Variants in FCHSD2 observed in about 807,000 individuals in gnomAD.
The protein encoded by FCHSD2 is F-BAR and double SH3 domains protein 2.
In FCHSD2, 38 loss-of-function variants were observed where a neutral mutation model predicts 108.1. The ratio of observed to expected loss-of-function variants is 0.35; its 90% confidence interval spans 0.27 to 0.46. The LOEUF (loss-of-function observed/expected upper bound fraction) is 0.46, where lower values mean the gene tolerates loss of function less well. FCHSD2 is among the 20% of genes least tolerant of loss of function. The pLI is 1.00. For missense variants in FCHSD2, 751 were observed against 897.8 expected (o/e 0.84, Z 2.09); for synonymous variants, 279 against 314.7 (o/e 0.89, Z 1.20).
chr11:72,857,613 ATTT>A (rs761360218), intron 13 of FCHSD2, among the ~76,000 whole-genome samples: 1 of 122,846 alleles, frequency 8.1e-6, no homozygotes. Context: ...TAATTTTTGT[ATTT>A]TTTTTTTTTT....
intron 2 of FCHSD2, among the ~76,000 whole-genome samples, chr11:73,130,519 C>A (rs1249655336): frequency 6.6e-6 from 1 of 152,188 alleles, no homozygotes; most frequent in Non-Finnish European, 1.5e-5. Context: ...TCTTCACCTG[C>A]CTTGGGCTGC....
rs567899906 is a variant in FCHSD2, at chr11:73,075,796, G to GA, written c.165+7898dup. On this transcript the variant is annotated intron_variant, in intron 3 of 19. Coordinates refer to ENST00000409418, the MANE Select transcript of FCHSD2 (RefSeq NM_014824.3). Reference sequence around the variant, plus strand: ...TACCACTGACAAGACTGTCTCAAAAGAAAAAAAAAAATCAACAAAGAAAAA... The same window carrying GA: ...TACCACTGACAAGACTGTCTCAAAAGAAAAAAAAAAAATCAACAAAGAAAAA... Among the ~76,000 whole-genome samples the GA allele has an allele frequency of 4.2e-3, 600 of 141,586 alleles. 18 individuals are homozygous for GA. The South Asian group carries it at 0.086, about 20-fold the overall frequency. The allele number at this position is 141,586 out of a possible 152,430, so 92.9% of individuals were successfully genotyped here.
At chr11:73,062,054 G>C (rs1473737439) in intron 3 of FCHSD2, among the ~76,000 whole-genome samples, 2 of 152,192 alleles carry the variant, frequency 1.3e-5, no homozygotes, top group Non-Finnish European at 2.9e-5. Flanking sequence ...ACCTCATACA[G>C]GAGAGCTCTG....
At chr11:72,940,960 G>C (rs539372352) in intron 8 of FCHSD2, 1 of 761,346 alleles carries the variant, frequency 1.3e-6, no homozygotes, top group Non-Finnish European at 2.4e-6. Flanking sequence ...CACCAAAGCA[G>C]TCTATAAGCA....
intron 8 of FCHSD2, among the ~76,000 whole-genome samples, chr11:72,943,574 C>T (rs928959150): frequency 6.6e-5 from 10 of 152,054 alleles, no homozygotes; most frequent in Non-Finnish European, 4.4e-5. Context: ...ACAGGTGAGA[C>T]GGAGATGAAG....
At chr11:73,043,103 G>A (rs1858679932) in intron 3 of FCHSD2, among the ~76,000 whole-genome samples, 1 of 152,178 alleles carries the variant, frequency 6.6e-6, no homozygotes, top group African/African-American at 2.4e-5. Flanking sequence ...AATAGGAGTG[G>A]TGAAAGTGGG....
chr11:73,061,717 G>T (rs1225804835), intron 3 of FCHSD2, among the ~76,000 whole-genome samples: 1 of 152,202 alleles, frequency 6.6e-6, no homozygotes, highest in Non-Finnish European at 1.5e-5. Context: ...ACTGGGTGGA[G>T]CCCACTGCAG....
chr11:72,938,873 A>C (rs537850944), intron 8 of FCHSD2, among the ~76,000 whole-genome samples: 1 of 152,332 alleles, frequency 6.6e-6, no homozygotes, highest in African/African-American at 2.4e-5. Flanking sequence ...ATTAGGTTTT[A>C]AAATGGTTTT....
chr11:73,016,767 C>T (rs958052099), intron 3 of FCHSD2, among the ~76,000 whole-genome samples: 11 of 152,182 alleles, frequency 7.2e-5, no homozygotes, highest in African/African-American at 2.7e-4. Context: ...ACACAAGTCA[C>T]TTCAAACAAC....
chr11:73,028,973 C>G (rs1858295303), intron 3 of FCHSD2, among the ~76,000 whole-genome samples: 3 of 152,102 alleles, frequency 2.0e-5, no homozygotes, highest in Non-Finnish European at 4.4e-5. Flanking sequence ...ATAAATTACC[C>G]AGTCTCAGGT....
chr11:73,078,932 C>A (rs534487215), intron 3 of FCHSD2, among the ~76,000 whole-genome samples: 35 of 152,036 alleles, frequency 2.3e-4, no homozygotes, highest in South Asian at 1.5e-3. Flanking sequence ...GTTGTCAGGC[C>A]GGTCTGAAAC....
intron 3 of FCHSD2, among the ~76,000 whole-genome samples, chr11:73,042,992 T>C (rs1327920685): frequency 1.3e-5 from 2 of 152,186 alleles, no homozygotes; most frequent in Non-Finnish European, 2.9e-5. Flanking sequence ...GGTCATGTCA[T>C]CTGCAAAGAA....
intron 8 of FCHSD2, among the ~76,000 whole-genome samples, chr11:72,924,881 T>C (rs975385556): frequency 6.6e-6 from 1 of 152,180 alleles, no homozygotes; most frequent in African/African-American, 2.4e-5. Flanking sequence ...ATAAATTTCC[T>C]GTATCAGGAC....
chr11:73,087,719 A>AT (rs200768834), intron 2 of FCHSD2, among the ~76,000 whole-genome samples: 1,885 of 151,546 alleles, frequency 0.012, 41 homozygotes, highest in African/African-American at 0.044. Flanking sequence ...AAAAAAAAAA[A>AT]ATTTTTAAAA....
chr11:73,048,661 T>C (rs1245219668), intron 3 of FCHSD2, among the ~76,000 whole-genome samples: 2 of 152,212 alleles, frequency 1.3e-5, no homozygotes, highest in African/African-American at 4.8e-5. Flanking sequence ...TGGAAATAAC[T>C]TGCCATGCCT....
At chr11:72,878,735 G>C (rs1254513563) in intron 12 of FCHSD2, among the ~76,000 whole-genome samples, 2 of 152,068 alleles carry the variant, frequency 1.3e-5, no homozygotes, top group African/African-American at 4.8e-5. Flanking sequence ...TCCAGGAGGA[G>C]AGGCAAACAA....
intron 19 of FCHSD2, among the ~76,000 whole-genome samples, chr11:72,839,953 T>C (rs1591326822): frequency 6.6e-6 from 1 of 152,046 alleles, no homozygotes; most frequent in Non-Finnish European, 1.5e-5. Flanking sequence ...GCTGCAAAGG[T>C]CCACAGAAAG....
In FCHSD2 at chr11:73,050,666, G is replaced by A. The variant is rs143606909; in HGVS notation, c.165+33029C>T. Among the ~76,000 whole-genome samples the A allele has an allele frequency of 1.5e-3, 234 of 152,308 alleles. 1 individual carries two copies. The highest frequency in any genetic ancestry group is 3.5e-3 in the South Asian group (17 of 4,822). On this transcript the variant is annotated intron_variant, in intron 3 of 19. Transcript: ENST00000409418. Reference sequence around the variant, plus strand: ...ACAAGCCTTTCCATATCCACATGGGGAGATAATGGGAACATCTGCAAATTG... The same window carrying A: ...ACAAGCCTTTCCATATCCACATGGGAAGATAATGGGAACATCTGCAAATTG...
At chr11:73,139,327 G>C (rs1861193009) in intron 2 of FCHSD2, among the ~76,000 whole-genome samples, 1 of 152,176 alleles carries the variant, frequency 6.6e-6, no homozygotes. Flanking sequence ...AGCCACTCTT[G>C]CTTCACCATG....
Sources: gnomAD v4.1 joint callset for allele counts (sites outside exome capture counted in the v4.1 genomes callset) on GRCh38, gnomAD v4.1.1 for gene constraint, MANE v1.5 for transcripts, NCBI Gene and HGNC (gene_info 2026-07-23, HGNC 2026-07-21) for gene names.